The following PRKCH variants were observed in gnomAD, a reference collection of about 807,000 sequenced individuals.
PRKCH encodes the protein protein kinase C eta type.
PRKCH carries 28 observed loss-of-function variants against 82.5 expected under a neutral mutation model. The observed-to-expected ratio is 0.34, with a 90% confidence interval of 0.25 to 0.47. PRKCH has a LOEUF of 0.47. Among genes scored for constraint, PRKCH ranks in the 20% least tolerant of loss-of-function variants. PRKCH has a pLI of 1.00. For synonymous variants in PRKCH, 322 were observed against 327.4 expected (o/e 0.98, Z 0.18); for missense variants, 705 against 881.8 (o/e 0.80, Z 2.54).
intron 1 of PRKCH, among the ~76,000 whole-genome samples, chr14:61,251,834 CTT>C (rs796229559): frequency 1.2e-4 from 18 of 148,364 alleles, no homozygotes; most frequent in African/African-American, 4.0e-4. Context: ...GTATAAGGGT[CTT>C]TTTTTTTTTT....
At chr14:61,288,782 T>C (rs2045336987) in intron 1 of PRKCH, among the ~76,000 whole-genome samples, 1 of 152,196 alleles carries the variant, frequency 6.6e-6, no homozygotes, top group African/African-American at 2.4e-5. Context: ...CTACTTCAGC[T>C]TATTTCATCT....
At chr14:61,400,450 C>A (rs1400004382) in intron 2 of PRKCH, among the ~76,000 whole-genome samples, 2 of 152,018 alleles carry the variant, frequency 1.3e-5, no homozygotes, top group Non-Finnish European at 2.9e-5. Flanking sequence ...TTGTTTTTTG[C>A]TGGTCTAAGC....
intron 1 of PRKCH, among the ~76,000 whole-genome samples, chr14:61,342,221 A>G (rs1389707060): frequency 6.6e-6 from 1 of 151,730 alleles, no homozygotes; most frequent in Non-Finnish European, 1.5e-5. Flanking sequence ...AGCCTCAACT[A>G]CTAATTAAAT....
chr14:61,336,466 C>G (rs1403938140), intron 1 of PRKCH, among the ~76,000 whole-genome samples: 1 of 152,190 alleles, frequency 6.6e-6, no homozygotes, highest in African/African-American at 2.4e-5. Flanking sequence ...AAAGTTGGTT[C>G]ATGGAAACCT....
At chr14:61,370,622 A>G (rs1380275969) in intron 1 of PRKCH, among the ~76,000 whole-genome samples, 2 of 152,082 alleles carry the variant, frequency 1.3e-5, no homozygotes, top group African/African-American at 4.8e-5. Context: ...AATGGGCACA[A>G]TATCATTCAT....
rs1884801339 is a variant in PRKCH, at chr14:61,457,088, C to T, written c.961-88C>T. On this transcript the variant is annotated intron_variant, in intron 7 of 13. Transcript: ENST00000332981. ...CCCCCACGTTATACTGGGGGTGAGA[C>T]TGCTCCCAGCCAATAAGGTCTTCTT... The T allele has an allele frequency of 3.4e-6, 5 of 1,455,832 alleles. No homozygotes were observed. The South Asian group carries it at 4.0e-5, about 12-fold the overall frequency. 90.2% of individuals were successfully genotyped at this position (1,455,832 alleles called of 1,614,324 possible).
chr14:61,284,445 C>T (rs1048922528), intron 1 of PRKCH, among the ~76,000 whole-genome samples: 10 of 151,952 alleles, frequency 6.6e-5, no homozygotes, highest in African/African-American at 2.4e-4. Flanking sequence ...TGGCAGGTGC[C>T]GTGAAAGCTG....
At chr14:61,477,434 C>T (rs980117957) in intron 9 of PRKCH, among the ~76,000 whole-genome samples, 31 of 152,184 alleles carry the variant, frequency 2.0e-4, no homozygotes, top group Non-Finnish European at 1.5e-5. Context: ...TCTTCAAATG[C>T]AGTCTTTAAA....
chr14:61,267,500 T>C (rs781484031), intron 1 of PRKCH, among the ~76,000 whole-genome samples: 1 of 152,194 alleles, frequency 6.6e-6, no homozygotes, highest in Non-Finnish European at 1.5e-5. Flanking sequence ...CTACCCTTCT[T>C]GTGATCCTGA....
chr14:61,295,724 G>T (rs914801571), intron 1 of PRKCH, among the ~76,000 whole-genome samples: 2 of 152,158 alleles, frequency 1.3e-5, no homozygotes, highest in African/African-American at 4.8e-5. Flanking sequence ...TCCCTTTGCA[G>T]CATATTCTAG....
At chr14:61,210,784 CTCTCTCTGTG>C (rs1433861046) in intron 1 of PRKCH, among the ~76,000 whole-genome samples, 18 of 95,934 alleles carry the variant, frequency 1.9e-4, no homozygotes, top group African/African-American at 4.8e-4. Flanking sequence ...CTCTCTCTCT[CTCTCTCTGTG>C]TGTGTGTGTG....
chr14:61,308,380 T>C (rs1169085466), intron 1 of PRKCH, among the ~76,000 whole-genome samples: 2 of 152,216 alleles, frequency 1.3e-5, no homozygotes, highest in Admixed American at 1.3e-4. Flanking sequence ...ATTTCAGTTG[T>C]TCGGACTCTT....
chr14:61,241,250 G>A (rs1566791567), intron 1 of PRKCH, among the ~76,000 whole-genome samples: 1 of 152,186 alleles, frequency 6.6e-6, no homozygotes, highest in Non-Finnish European at 1.5e-5. Context: ...GAATTTCCAT[G>A]TCCTCTCTGG....
At chr14:61,443,420 C>T (rs1884070738) in intron 3 of PRKCH, among the ~76,000 whole-genome samples, 159 bp downstream of exon 3, 1 of 152,178 alleles carries the variant, frequency 6.6e-6, no homozygotes, top group South Asian at 2.1e-4. Flanking sequence ...ATTTAAATCT[C>T]CATTGCAAAA....
intron 1 of PRKCH, among the ~76,000 whole-genome samples, chr14:61,216,642 A>C (rs2044618476): frequency 6.6e-6 from 1 of 151,664 alleles, no homozygotes; most frequent in South Asian, 2.1e-4. Flanking sequence ...CACTTACTTC[A>C]CTCCCCTGGC....
chr14:61,277,975 T>C (rs1290272576), intron 1 of PRKCH: 1 of 152,226 alleles, frequency 6.6e-6, no homozygotes. Flanking sequence ...GCAAACTCGA[T>C]AACAAAGGTA....
chr14:61,540,078 CTT>C (rs1359137117), intron 12 of PRKCH, among the ~76,000 whole-genome samples: 1 of 152,214 alleles, frequency 6.6e-6, no homozygotes, highest in Non-Finnish European at 1.5e-5. Flanking sequence ...GTCCTTCTAT[CTT>C]TTCCAGCAAA....
At chr14:61,527,623 G>A (rs2042983935) in intron 10 of PRKCH, among the ~76,000 whole-genome samples, 1 of 152,100 alleles carries the variant, frequency 6.6e-6, no homozygotes, top group Admixed American at 6.5e-5. Context: ...CCTTAATGAG[G>A]GAGCATCAAT....
chr14:61,237,242 C>CTA (rs1555370693), intron 1 of PRKCH, among the ~76,000 whole-genome samples: 1 of 93,710 alleles, frequency 1.1e-5, no homozygotes, highest in Non-Finnish European at 2.3e-5. Flanking sequence ...GACTCTGTTT[C>CTA]AAAAAAAAAA....
Sources: allele counts gnomAD v4.1 joint callset (sites outside exome capture counted in the v4.1 genomes callset), GRCh38; gene constraint gnomAD v4.1.1; transcripts MANE v1.5; gene names NCBI Gene and HGNC (gene_info 2026-07-23, HGNC 2026-07-21).